Variants in RBM25 observed in about 807,000 individuals in gnomAD.
The protein encoded by RBM25 is RNA binding motif protein 25.
RBM25 carries 19 observed loss-of-function variants against 120.7 expected under a neutral mutation model. The ratio of observed to expected loss-of-function variants is 0.16; its 90% confidence interval spans 0.11 to 0.23. The LOEUF (loss-of-function observed/expected upper bound fraction) is 0.23. Ranked by LOEUF, RBM25 falls within the 10% of genes least tolerant of loss-of-function variation. RBM25 has a pLI of 1.00. For missense variants in RBM25, 605 were observed against 1,041.5 expected, an observed-to-expected ratio of 0.58 and a Z score of 5.77; for synonymous variants, 390 against 326.7, an observed-to-expected ratio of 1.19 and a Z score of -2.09.
At chr14:73,106,828 T>C (rs1387412953) in intron 12 of RBM25, among the ~76,000 whole-genome samples, 1 of 151,426 alleles carries the variant, frequency 6.6e-6, no homozygotes, top group Non-Finnish European at 1.5e-5. Flanking sequence ...TGTATACATA[T>C]ATATGTATAT....
chr14:73,076,323 C>T lies in RBM25; in HGVS notation c.111C>T (p.Thr37=), dbSNP rs762661994. The T allele has an allele frequency of 4.3e-5, 69 of 1,611,588 alleles. No individual in the cohort carries two copies. In the Middle Eastern group the frequency reaches 1.6e-3, roughly 38 times the overall value. Reference sequence around the variant, plus strand: ...GTGTGGTTTTTCTTTTCTTAGGGACCCCAATGATTCCTGTACCAATGAGCA... The same window carrying T: ...GTGTGGTTTTTCTTTTCTTAGGGACTCCAATGATTCCTGTACCAATGAGCA... ...PGFPPPVPPG[T]PMIPVPMSIM... Residue 37 remains threonine, a synonymous_variant, in exon 3 of 19, where the codon ACC becomes ACT. Coordinates refer to ENST00000261973, the MANE Select transcript of RBM25 (RefSeq NM_021239.3).
intron 1 of RBM25, among the ~76,000 whole-genome samples, chr14:73,063,980 C>T (rs1895067332): frequency 1.3e-5 from 2 of 151,358 alleles, no homozygotes; most frequent in African/African-American, 4.8e-5. Context: ...TACACCATTC[C>T]TGCTTCAGCC....
intron 1 of RBM25, among the ~76,000 whole-genome samples, chr14:73,069,413 A>G (rs935884076): frequency 3.3e-5 from 5 of 152,180 alleles, no homozygotes; most frequent in Admixed American, 6.5e-5. Context: ...ATGTTTCTGT[A>G]AAACATGAAA....
chr14:73,068,432 T>C (rs968457539), intron 1 of RBM25: 25 of 707,874 alleles, frequency 3.5e-5, no homozygotes, highest in Middle Eastern at 2.8e-4. Context: ...CTGAGACTTA[T>C]TCAGACTACC....
At chr14:73,080,445 G>A (rs1895533783) in intron 4 of RBM25, among the ~76,000 whole-genome samples, 1 of 151,910 alleles carries the variant, frequency 6.6e-6, no homozygotes, top group Non-Finnish European at 1.5e-5. Flanking sequence ...GGATGGTCTC[G>A]ATCTCCTGAC....
rs1408782843 is a variant in RBM25 at position 73,060,625 on chromosome 14, C to G, written c.-16+1920C>G. Among the ~76,000 whole-genome samples, 3 of 151,426 alleles carry G rather than the reference C, an allele frequency of 2.0e-5. No individual in the cohort carries two copies. The East Asian group carries it at 5.8e-4, about 29-fold the overall frequency. On this transcript the variant is annotated intron_variant, in intron 1 of 18. Coordinates refer to ENST00000261973, the MANE Select transcript of RBM25 (RefSeq NM_021239.3). ...CATTCACAAAAGGGGATTTTTGATT[C>G]TTCTTAAATAGCTTTTCTACCTTTT...
At position 73,088,380 on chromosome 14, in the gene RBM25, A is replaced by G. The variant is rs749174456; in HGVS notation, c.543+219A>G. The G allele has an allele frequency of 2.7e-5, 18 of 668,704 alleles. 1 individual carries two copies. The highest frequency in any genetic ancestry group is 3.2e-5 in the Non-Finnish European group (12 of 371,744). The allele number at this position is 668,704 out of a possible 1,614,324, so 41.4% of individuals were successfully genotyped here. The stretch of plus-strand genomic sequence containing the variant: ...GTTTGCTTGTTCCAGGTTGGGATGA[A>G]AGTAGTAAGGGAGGCTGGACAAGGT... On this transcript the variant is annotated intron_variant, in intron 6 of 18. Transcript: ENST00000261973.
intron 4 of RBM25, among the ~76,000 whole-genome samples, chr14:73,079,277 A>T (rs1165179451): frequency 2.0e-5 from 3 of 150,298 alleles, no homozygotes; most frequent in Admixed American, 6.6e-5. Context: ...ACAAAAATTA[A>T]CCAGGCGTGG....
At chr14:73,088,598 C>G (rs1374102007) in intron 6 of RBM25, 5 of 343,726 alleles carry the variant, frequency 1.5e-5, no homozygotes, top group Non-Finnish European at 2.3e-5. Flanking sequence ...TTTATCCAAG[C>G]TCTACTAAGT....
Position 73,083,526 on chromosome 14 carries a change from A to G in RBM25, c.357A>G (p.Val119=), listed in dbSNP as rs1447930838. 3 of 1,583,848 alleles carry G rather than the reference A, an allele frequency of 1.9e-6. No homozygotes were observed. Among genetic ancestry groups the G allele is most frequent in the Non-Finnish European group, 1.7e-6 (2 of 1,172,186 alleles). The change falls in exon 5 of 19, where the codon GTA becomes GTG. Residue 119 remains valine, a synonymous_variant. Transcript: ENST00000261973. ...GTTTGGTTTTGAGCTGGAAGAGAGT[A>G]CAAGGTGCTTCCGGAAAGCTTCAAG... The part of the protein sequence containing the change: ...KCGLVLSWKR[V]QGASGKLQAF...
At position 73,110,961 on chromosome 14, in the gene RBM25, A is replaced by C. The variant is rs1229842039; in HGVS notation, c.1823A>C (p.Glu608Ala). The part of the protein sequence containing the change: ...EEPMEEEEEP[E>A]QKPCLKPTLR... ...CCCATGGAAGAGGAAGAGGAGCCAG[A>C]GCAAAAGCCTTGTCTGAAACCTACT... The change falls in exon 15 of 19, where the codon GAG becomes GCG. Residue 608 changes from glutamate to alanine, a missense_variant. This residue lies in a region of RBM25 where 465 missense variants were observed against 741.6 expected (regional missense o/e 0.63). Transcript: ENST00000261973. The C allele has an allele frequency of 6.2e-7, 1 of 1,613,242 alleles. No individual in the cohort carries two copies. Among genetic ancestry groups the C allele is most frequent in the Admixed American group, 1.7e-5 (1 of 59,784 alleles).
intron 1 of RBM25, among the ~76,000 whole-genome samples, chr14:73,069,582 C>G (rs1463707582): frequency 1.3e-5 from 2 of 151,464 alleles, no homozygotes; most frequent in Non-Finnish European, 2.9e-5. Context: ...TACAGGCATG[C>G]ACCACCATGC....
chr14:73,107,947 G>A (rs1259140744), intron 13 of RBM25, 48 bp downstream of exon 13: 9 of 1,342,286 alleles, frequency 6.7e-6, no homozygotes, highest in Middle Eastern at 1.8e-4. Flanking sequence ...TTTATTAGCT[G>A]TGTTTTTCCA....
chr14:73,114,515 C>T (rs1398212451), intron 18 of RBM25, among the ~76,000 whole-genome samples, 182 bp downstream of exon 18: 1 of 152,130 alleles, frequency 6.6e-6, no homozygotes, highest in Non-Finnish European at 1.5e-5. Context: ...AGCCACCACA[C>T]CTGGCCAGAA....
intron 17 of RBM25, among the ~76,000 whole-genome samples, chr14:73,112,857 G>A (rs1163768210): frequency 3.3e-5 from 5 of 151,946 alleles, no homozygotes; most frequent in Non-Finnish European, 5.9e-5. Flanking sequence ...AGGCTGGAGT[G>A]CAGTGGCGCA....
intron 7 of RBM25, among the ~76,000 whole-genome samples, chr14:73,098,102 A>AG (rs1449003280): frequency 6.6e-6 from 1 of 152,142 alleles, no homozygotes; most frequent in African/African-American, 2.4e-5. Flanking sequence ...CTATAAAGTA[A>AG]GAAAAAAAAT....
intron 9 of RBM25, 124 bp downstream of exon 9, chr14:73,099,874 A>T: frequency 7.6e-7 from 1 of 1,312,228 alleles, no homozygotes; most frequent in Non-Finnish European, 9.8e-7. Flanking sequence ...GGTTTAATTG[A>T]TATTTAGATA....
intron 1 of RBM25, among the ~76,000 whole-genome samples, chr14:73,066,693 A>AATT (rs2140422472): frequency 6.6e-6 from 1 of 152,072 alleles, no homozygotes; most frequent in South Asian, 2.1e-4. Context: ...TTTACCTATA[A>AATT]AGTTTTCTAA....
At chr14:73,106,111 A>C (rs1896181541) in intron 11 of RBM25, 30 bp downstream of exon 11, 1 of 1,596,350 alleles carries the variant, frequency 6.3e-7, no homozygotes, top group Non-Finnish European at 8.5e-7. Flanking sequence ...TTATTCTTAA[A>C]TCTTGGTATC....
Sources: allele counts gnomAD v4.1 joint callset (sites outside exome capture counted in the v4.1 genomes callset), GRCh38; gene constraint gnomAD v4.1.1; regional missense constraint gnomAD v4.1.1; transcripts MANE v1.5; gene names NCBI Gene and HGNC (gene_info 2026-07-23, HGNC 2026-07-21).